The following ZDHHC11B variants were observed in gnomAD, a reference collection of about 807,000 sequenced individuals.
ZDHHC11B encodes probable palmitoyltransferase ZDHHC11B.
ZDHHC11B carries 17 observed loss-of-function variants against 42.3 expected under a neutral mutation model. That is an observed-to-expected ratio of 0.40 (90% CI 0.27 to 0.60). ZDHHC11B has a LOEUF of 0.60. Ranked by LOEUF, ZDHHC11B falls within the 20% of genes least tolerant of loss-of-function variation. The pLI, the probability that ZDHHC11B is intolerant of heterozygous loss-of-function variation, is 0.41. For missense variants in ZDHHC11B, 262 were observed against 463.2 expected (o/e 0.57, Z 3.99); for synonymous variants, 123 against 193.5 (o/e 0.64, Z 3.02).
In ZDHHC11B at chr5:716,321, C is replaced by T. The variant is rs542105396; in HGVS notation, c.*7+480G>A. Reference sequence around the variant, plus strand: ...TAGCCTTCTAGTGAGTAAACTTTCCCCCTGATTCTGAAAGTAAATGATCAT... The same window carrying T: ...TAGCCTTCTAGTGAGTAAACTTTCCTCCTGATTCTGAAAGTAAATGATCAT... On this transcript the variant is annotated intron_variant, in intron 13 of 13. Coordinates refer to ENST00000508859, the MANE Select transcript of ZDHHC11B (RefSeq NM_001351303.2). Among the ~76,000 whole-genome samples the T allele has an allele frequency of 5.9e-5, 9 of 151,420 alleles. 2 individuals are homozygous for T. Among genetic ancestry groups the T allele is most frequent in the African/African-American group, 2.2e-4 (9 of 41,210 alleles).
At chr5:780,732 C>T (rs1302423271) in intron 1 of ZDHHC11B, among the ~76,000 whole-genome samples, 5 of 151,134 alleles carry the variant, frequency 3.3e-5, no homozygotes, top group African/African-American at 9.8e-5. Context: ...GTGGCAGGAA[C>T]AAGCCTGGTG....
At chr5:753,056 G>A (rs57604916) in intron 6 of ZDHHC11B, among the ~76,000 whole-genome samples, 44,608 of 121,006 alleles carry the variant, frequency 0.37, 11,445 homozygotes, top group Middle Eastern at 0.45. Flanking sequence ...CCTGCTGCCT[G>A]TGTTTAACCT....
intron 1 of ZDHHC11B, among the ~76,000 whole-genome samples, chr5:777,522 C>T (rs1736618254): frequency 6.6e-6 from 1 of 151,892 alleles, no homozygotes; most frequent in Non-Finnish European, 1.5e-5. Flanking sequence ...ACAAACTTTC[C>T]ACAGCGGAGA....
chr5:775,718 A>C (rs1736418215), intron 1 of ZDHHC11B, among the ~76,000 whole-genome samples: 1 of 151,804 alleles, frequency 6.6e-6, no homozygotes, highest in Non-Finnish European at 1.5e-5. Flanking sequence ...CCAGGAGTCC[A>C]ACGTGCTGTG....
At chr5:714,904 T>C (rs189911549) in intron 13 of ZDHHC11B, among the ~76,000 whole-genome samples, 3 of 151,412 alleles carry the variant, frequency 2.0e-5, no homozygotes, top group Non-Finnish European at 2.9e-5. Context: ...GCTCTAGTAC[T>C]TCTTGCTCTA....
intron 12 of ZDHHC11B, among the ~76,000 whole-genome samples, chr5:725,220 G>T (rs1295727168): frequency 7.0e-6 from 1 of 143,456 alleles, no homozygotes; most frequent in Non-Finnish European, 1.5e-5. Context: ...GAACCAGGAA[G>T]GGGCTCTCAT....
chr5:774,750 C>A (rs1477270371), intron 1 of ZDHHC11B, among the ~76,000 whole-genome samples: 1 of 53,564 alleles, frequency 1.9e-5, no homozygotes, highest in African/African-American at 6.6e-5. Context: ...ATTACTAGGA[C>A]CTGGGGTCTG....
intron 4 of ZDHHC11B, among the ~76,000 whole-genome samples, chr5:759,676 C>T (rs1202858160): frequency 7.2e-5 from 11 of 151,954 alleles, no homozygotes; most frequent in African/African-American, 2.2e-4. Context: ...TACACGCGGC[C>T]GCTGGACGGT....
chr5:777,945 G>T (rs562392483), intron 1 of ZDHHC11B, among the ~76,000 whole-genome samples: 1 of 151,790 alleles, frequency 6.6e-6, no homozygotes, highest in Admixed American at 6.6e-5. Flanking sequence ...CATGGCGGTC[G>T]GCGGGTCCCG....
chr5:716,124 T>C (rs1188461319), intron 13 of ZDHHC11B, among the ~76,000 whole-genome samples: 1 of 150,608 alleles, frequency 6.6e-6, no homozygotes, highest in Admixed American at 6.6e-5. Context: ...AGAGAAAGGG[T>C]TGCAGTCTCA....
At chr5:771,251 G>A (rs1315936300) in intron 1 of ZDHHC11B, among the ~76,000 whole-genome samples, 1 of 151,788 alleles carries the variant, frequency 6.6e-6, no homozygotes, top group East Asian at 1.9e-4. Flanking sequence ...GGTCCTGAGT[G>A]TGGCCCCTGC....
chr5:759,613 CAGA>C (rs145286549), intron 4 of ZDHHC11B, among the ~76,000 whole-genome samples: 1,975 of 151,722 alleles, frequency 0.013, 14 homozygotes, highest in Middle Eastern at 0.062. Context: ...TTTCCCTTTG[CAGA>C]AGAACAGACG....
At chr5:728,306 G>A (rs1742742920) in intron 12 of ZDHHC11B, among the ~76,000 whole-genome samples, 1 of 151,986 alleles carries the variant, frequency 6.6e-6, no homozygotes, top group South Asian at 2.1e-4. Context: ...AAACCTTTTG[G>A]TAAAGTAAGC....
intron 12 of ZDHHC11B, among the ~76,000 whole-genome samples, chr5:722,681 TG>T (rs1159759980): frequency 6.6e-6 from 1 of 151,716 alleles, no homozygotes; most frequent in African/African-American, 2.4e-5. Flanking sequence ...TGGTTGCACC[TG>T]TACAACAGGA....
chr5:775,662 C>T (rs1736413418), intron 1 of ZDHHC11B, among the ~76,000 whole-genome samples: 1 of 151,810 alleles, frequency 6.6e-6, no homozygotes, highest in Non-Finnish European at 1.5e-5. Flanking sequence ...ATTTGGAGGC[C>T]TGGGGCCTGG....
Position 748,105 on chromosome 5 carries a change from T to C in ZDHHC11B, c.784+299A>G. Reference sequence around the variant, plus strand: ...TTCCATTCCATTTTCTCTGAACATTTTAAACTTGTTACTTCAAGCACCCGG... The same window carrying C: ...TTCCATTCCATTTTCTCTGAACATTCTAAACTTGTTACTTCAAGCACCCGG... On this transcript the variant is annotated intron_variant, in intron 8 of 13. Coordinates refer to ENST00000508859, the MANE Select transcript of ZDHHC11B (RefSeq NM_001351303.2). 7.6e-6 allele frequency: 4 copies of C among 527,312 alleles called. 2 individuals carry two copies. Among genetic ancestry groups the C allele is most frequent in the Non-Finnish European group, 6.5e-6 (2 of 306,248 alleles). The allele number at this position is 527,312 out of a possible 1,614,324, so 32.7% of individuals were successfully genotyped here.
intron 10 of ZDHHC11B, among the ~76,000 whole-genome samples, chr5:737,740 C>G (rs1359761678): frequency 6.7e-6 from 1 of 149,420 alleles, no homozygotes; most frequent in Non-Finnish European, 1.5e-5. Flanking sequence ...AAGCATCTGA[C>G]AAACTCTGCC....
At chr5:774,843 T>C (rs1434699922) in intron 1 of ZDHHC11B, among the ~76,000 whole-genome samples, 1 of 151,870 alleles carries the variant, frequency 6.6e-6, no homozygotes, top group Admixed American at 6.6e-5. Flanking sequence ...CAGCTGCTGT[T>C]TTAAAGATAG....
At chr5:783,335 C>T (rs1247720762) in intron 1 of ZDHHC11B, among the ~76,000 whole-genome samples, 1 of 152,282 alleles carries the variant, frequency 6.6e-6, no homozygotes, top group Admixed American at 6.5e-5. Context: ...CAGGCTGCAG[C>T]TGCCTCACTC....
Sources: gnomAD v4.1 joint callset for allele counts (sites outside exome capture counted in the v4.1 genomes callset) on GRCh38, gnomAD v4.1.1 for gene constraint, MANE v1.5 for transcripts, NCBI Gene and HGNC (gene_info 2026-07-23, HGNC 2026-07-21) for gene names.